The following RBFOX1 variants were observed in gnomAD, a reference collection of about 807,000 sequenced individuals.
RBFOX1 encodes RNA binding fox-1 homolog 1, also known as RNA binding protein fox-1 homolog 1.
A neutral mutation model predicts 57.7 loss-of-function variants in RBFOX1; 8 were observed. The observed-to-expected ratio is 0.14, with a 90% CI of 0.08 to 0.25. The LOEUF is 0.25. Among genes scored for constraint, RBFOX1 ranks in the 10% least tolerant of loss-of-function variants. RBFOX1 has a pLI of 1.00. For missense variants in RBFOX1, 611 were observed against 548.5 expected (o/e 1.11, Z -1.14); for synonymous variants, 326 against 222.4 (o/e 1.47, Z -4.15).
At chr16:5,420,255 T>A (rs1361070940) in intron 1 of RBFOX1, among the ~76,000 whole-genome samples, 1 of 152,202 alleles carries the variant, frequency 6.6e-6, no homozygotes, top group Non-Finnish European at 1.5e-5. Context: ...CTGTTTAATG[T>A]AGTTTGGTTG....
At chr16:6,214,033 G>A (rs891314737) in intron 1 of RBFOX1, among the ~76,000 whole-genome samples, 2 of 152,152 alleles carry the variant, frequency 1.3e-5, no homozygotes, top group African/African-American at 4.8e-5. Flanking sequence ...GAGAATCACT[G>A]CTCTGTCAGA....
chr16:6,964,095 T>G (rs1007087240), intron 3 of RBFOX1, among the ~76,000 whole-genome samples: 1 of 152,112 alleles, frequency 6.6e-6, no homozygotes, highest in African/African-American at 2.4e-5. Flanking sequence ...CTCGGCTCAC[T>G]GCAACCTCCG....
intron 4 of RBFOX1, 129 bp from the exon 5 acceptor site, chr16:7,518,018 G>C: frequency 8.6e-7 from 1 of 1,164,938 alleles, no homozygotes; most frequent in Non-Finnish European, 1.2e-6. Flanking sequence ...GTCCATCTCA[G>C]GCTGGTGGCA....
chr16:5,603,989 C>T (rs767914142), downstream of RBFOX1, among the ~76,000 whole-genome samples: 1 of 152,116 alleles, frequency 6.6e-6, no homozygotes, highest in East Asian at 1.9e-4. Flanking sequence ...CCCTCCTATA[C>T]CCAAGGCAGA....
At chr16:7,700,726 A>G (rs1254550064) in intron 14 of RBFOX1, among the ~76,000 whole-genome samples, 2 of 152,176 alleles carry the variant, frequency 1.3e-5, no homozygotes, top group Non-Finnish European at 2.9e-5. Flanking sequence ...GAATTTCATC[A>G]CCAAAAGTGG....
At chr16:6,427,149 A>T (rs1361357331) in intron 2 of RBFOX1, among the ~76,000 whole-genome samples, 1 of 152,194 alleles carries the variant, frequency 6.6e-6, no homozygotes, top group Non-Finnish European at 1.5e-5. Flanking sequence ...AAATCTTCTT[A>T]AGTATAGTAT....
intron 1 of RBFOX1, among the ~76,000 whole-genome samples, chr16:6,162,262 C>G (rs1222429122): frequency 2.0e-5 from 3 of 152,156 alleles, no homozygotes; most frequent in African/African-American, 7.2e-5. Context: ...GGATTACAGG[C>G]ACACCACTAC....
intron 2 of RBFOX1, among the ~76,000 whole-genome samples, chr16:6,620,780 G>C (rs2098218333): frequency 1.3e-5 from 2 of 150,380 alleles, no homozygotes; most frequent in South Asian, 2.1e-4. Context: ...TGGACGCATA[G>C]ATCCTCCCCA....
At chr16:6,796,757 A>G (rs978362839) in intron 3 of RBFOX1, among the ~76,000 whole-genome samples, 3 of 152,170 alleles carry the variant, frequency 2.0e-5, no homozygotes, top group Non-Finnish European at 4.4e-5. Flanking sequence ...CCCCATGAAG[A>G]TGGGCCTACA....
chr16:6,589,237 C>A (rs1226498557), intron 2 of RBFOX1, among the ~76,000 whole-genome samples: 1 of 152,248 alleles, frequency 6.6e-6, no homozygotes, highest in East Asian at 1.9e-4. Context: ...CCAATGGGTT[C>A]TCCTTGCCTG....
intron 3 of RBFOX1, among the ~76,000 whole-genome samples, chr16:7,033,925 C>T (rs932557709): frequency 5.3e-5 from 8 of 152,176 alleles, no homozygotes; most frequent in Non-Finnish European, 1.2e-4. Context: ...GCTATGATTG[C>T]ACTGCTGCAT....
intron 4 of RBFOX1, chr16:7,304,281 C>G (rs547705407): frequency 2.0e-6 from 2 of 983,520 alleles, no homozygotes; most frequent in South Asian, 4.7e-5. Flanking sequence ...CTTAGATAAC[C>G]AGCAAAATTA....
rs1212431821 is a variant in RBFOX1, at chr16:7,710,953, G to A, written c.*208G>A. 3.4e-6 allele frequency: 2 copies of A among 584,144 alleles called. No individual in the cohort carries two copies. Among genetic ancestry groups the A allele is most frequent in the African/African-American group, 1.9e-5 (1 of 51,412 alleles). The allele number at this position is 584,144 out of a possible 1,614,324, so 36.2% of individuals were successfully genotyped here. ...ATATTGTGGGTCTTTAATTTCTGAA[G>A]GTTCCGTAGTTTGGTTGCTGGCTGT... On this transcript the variant is annotated 3_prime_UTR_variant, in exon 16 of 16. Transcript: ENST00000550418.
intron 10 of RBFOX1, among the ~76,000 whole-genome samples, chr16:7,630,303 A>C (rs2060739791): frequency 6.6e-6 from 1 of 151,826 alleles, no homozygotes; most frequent in African/African-American, 2.4e-5. Flanking sequence ...TTCCCTTTTC[A>C]GTATGCCACG....
chr16:5,318,594 A>G (rs2064307928), intron 1 of RBFOX1, among the ~76,000 whole-genome samples: 1 of 152,090 alleles, frequency 6.6e-6, no homozygotes, highest in South Asian at 2.1e-4. Flanking sequence ...CAAAAAAACA[A>G]ACAAAAAAAC....
At chr16:7,124,457 T>C (rs1484031226) in intron 4 of RBFOX1, among the ~76,000 whole-genome samples, 3 of 151,918 alleles carry the variant, frequency 2.0e-5, no homozygotes, top group African/African-American at 2.4e-5. Flanking sequence ...ATTTGAAATA[T>C]GTACTGTACA....
chr16:5,966,362 GC>G (rs2059843388), intron 4 of RBFOX1, among the ~76,000 whole-genome samples: 1 of 152,196 alleles, frequency 6.6e-6, no homozygotes, highest in African/African-American at 2.4e-5. Flanking sequence ...GCCTCATGGG[GC>G]TTTTGCTCAT....
chr16:7,488,728 A>G (rs1281606073), intron 4 of RBFOX1, among the ~76,000 whole-genome samples: 2 of 152,054 alleles, frequency 1.3e-5, no homozygotes, highest in Non-Finnish European at 2.9e-5. Context: ...ACATTCATCT[A>G]TTATCCACCT....
At chr16:6,951,009 G>A (rs1020076603) in intron 3 of RBFOX1, among the ~76,000 whole-genome samples, 1 of 151,756 alleles carries the variant, frequency 6.6e-6, no homozygotes, top group Non-Finnish European at 1.5e-5. Flanking sequence ...AGGCTCCAGC[G>A]ATCCTCCCAC....
Sources: gnomAD v4.1 joint callset for allele counts (sites outside exome capture counted in the v4.1 genomes callset) on GRCh38, gnomAD v4.1.1 for gene constraint, MANE v1.5 for transcripts, NCBI Gene and HGNC (gene_info 2026-07-23, HGNC 2026-07-21) for gene names.